TENM3: variants seen among roughly 807,000 people sequenced by gnomAD.
TENM3 encodes the protein teneurin transmembrane protein 3.
In TENM3, 63 loss-of-function variants were observed where a neutral mutation model predicts 255.1. The ratio of observed to expected loss-of-function variants is 0.25; its 90% CI spans 0.20 to 0.30. The LOEUF (loss-of-function observed/expected upper bound fraction) is 0.30. Among genes scored for constraint, TENM3 ranks in the 10% least tolerant of loss-of-function variants. The probability of loss-of-function intolerance (pLI) is 1.00; values close to 1 mark genes in which losing one functional copy is unlikely to be tolerated. For missense variants in TENM3, 2,929 were observed against 3,461.1 expected, an observed-to-expected ratio of 0.85 and a Z score of 3.86; for synonymous variants, 1,306 against 1,322.3, an observed-to-expected ratio of 0.99 and a Z score of 0.27.
At chr4:181,754,940 A>G in the TENM3 span, among the ~76,000 whole-genome samples, 2 of 152,182 alleles carry the variant, frequency 1.3e-5, no homozygotes, top group Admixed American at 6.6e-5. Flanking sequence ...TTCCAAAGAC[A>G]TTATCAAGGT....
chr4:182,279,169 C>A (rs1364466227), intron 1 of TENM3, among the ~76,000 whole-genome samples: 1 of 152,128 alleles, frequency 6.6e-6, no homozygotes, highest in Non-Finnish European at 1.5e-5. Flanking sequence ...TCCGCAGTGT[C>A]TTTATTTGCT....
At chr4:181,732,443 T>A in the TENM3 span, among the ~76,000 whole-genome samples, 22 of 152,204 alleles carry the variant, frequency 1.4e-4, no homozygotes, top group Non-Finnish European at 2.9e-4. Flanking sequence ...TTTTTAAAAA[T>A]TCCAAACAAA....
the TENM3 span, among the ~76,000 whole-genome samples, chr4:182,100,437 G>A: frequency 3.9e-4 from 9 of 23,014 alleles, no homozygotes; most frequent in South Asian, 5.8e-3. Flanking sequence ...CTCCGTCTCC[G>A]TAAAAAAAAA....
intron 3 of TENM3, among the ~76,000 whole-genome samples, chr4:182,373,532 C>T (rs1269898605): frequency 6.6e-6 from 1 of 152,138 alleles, no homozygotes; most frequent in Non-Finnish European, 1.5e-5. Flanking sequence ...AGGTACTGGG[C>T]TCTTTTTGAC....
chr4:182,411,322 A>G (rs975826748), intron 3 of TENM3, among the ~76,000 whole-genome samples: 4 of 152,196 alleles, frequency 2.6e-5, no homozygotes, highest in African/African-American at 9.7e-5. Flanking sequence ...TTTGACTACA[A>G]GTGTTTACTT....
chr4:182,168,454 C>G (rs1751868019), intron 1 of TENM3, among the ~76,000 whole-genome samples: 1 of 152,110 alleles, frequency 6.6e-6, no homozygotes, highest in Non-Finnish European at 1.5e-5. Flanking sequence ...ATTTTCTTCT[C>G]TCTGGGAAAC....
intron 3 of TENM3, among the ~76,000 whole-genome samples, chr4:182,526,201 C>T (rs1463975633): frequency 2.6e-5 from 4 of 151,724 alleles, no homozygotes; most frequent in Non-Finnish European, 5.9e-5. Context: ...AGGATGGGCT[C>T]GATCTCCTGA....
chr4:182,455,618 G>A (rs1773814810), intron 3 of TENM3, among the ~76,000 whole-genome samples: 1 of 144,210 alleles, frequency 6.9e-6, no homozygotes, highest in Admixed American at 7.1e-5. Flanking sequence ...CTGGAGTGCA[G>A]TGGCATGATC....
intron 13 of TENM3, among the ~76,000 whole-genome samples, chr4:182,723,821 C>T (rs2309702): frequency 1.3e-5 from 2 of 151,786 alleles, no homozygotes; most frequent in Admixed American, 6.6e-5. Context: ...CACATTCATG[C>T]CCATTCATTG....
the TENM3 span, among the ~76,000 whole-genome samples, chr4:181,536,961 T>G: frequency 6.6e-6 from 1 of 152,300 alleles, no homozygotes; most frequent in Non-Finnish European, 1.5e-5. Flanking sequence ...TAATCAGAGC[T>G]TCATCAGCTT....
intron 3 of TENM3, among the ~76,000 whole-genome samples, chr4:182,533,286 C>T (rs1032282692): frequency 6.6e-6 from 1 of 152,096 alleles, no homozygotes; most frequent in Non-Finnish European, 1.5e-5. Context: ...CACGGTGGCT[C>T]ATGCCTGTAG....
chr4:181,624,593 C>G, the TENM3 span, among the ~76,000 whole-genome samples: 1 of 152,166 alleles, frequency 6.6e-6, no homozygotes, highest in Admixed American at 6.5e-5. Context: ...GCAAAGAACA[C>G]CACATAAAGT....
chr4:182,244,372 A>T (rs1757512460), intron 1 of TENM3, among the ~76,000 whole-genome samples: 1 of 152,114 alleles, frequency 6.6e-6, no homozygotes, highest in Non-Finnish European at 1.5e-5. Flanking sequence ...CTGAAATTTT[A>T]TTATCTTGAC....
rs539828817 is a variant in TENM3 at position 182,754,727 on chromosome 4, G to A, written c.4360G>A (p.Ala1454Thr). ...TTCAGAGTGTGACTGCAAAAATGAT[G>A]CCAACTGTGACTGTTACCAGAGTGG... ...IPSECDCKND[A>T]NCDCYQSGDG... The change falls in exon 22 of 28, where the codon GCC becomes ACC. Residue 1454 changes from alanine (A) to threonine (T), a missense_variant. Ala to Thr is a moderately conservative substitution (Grantham distance 58). Coordinates refer to ENST00000511685, the MANE Select transcript of TENM3 (RefSeq NM_001080477.4). The surrounding 1 kb of genome is among the most constrained non-coding windows in gnomAD (Gnocchi z 5.1). The A allele has an allele frequency of 5.0e-6, 8 of 1,614,058 alleles. No homozygotes were observed. In the Admixed American group the frequency reaches 1.3e-4, roughly 27 times the overall value.
At chr4:181,888,785 A>G in the TENM3 span, among the ~76,000 whole-genome samples, 4 of 151,340 alleles carry the variant, frequency 2.6e-5, no homozygotes, top group African/African-American at 9.7e-5. Flanking sequence ...AGTGTAAGCC[A>G]CAGTTCTAGT....
the TENM3 span, among the ~76,000 whole-genome samples, chr4:181,623,963 A>G: frequency 6.6e-6 from 1 of 152,224 alleles, no homozygotes; most frequent in South Asian, 2.1e-4. Context: ...TCTTCTTCTC[A>G]ACAAAGGCCT....
chr4:181,826,221 C>T, the TENM3 span, among the ~76,000 whole-genome samples: 1 of 151,772 alleles, frequency 6.6e-6, no homozygotes, highest in South Asian at 2.1e-4. Flanking sequence ...CTAAGTTAAC[C>T]TTGAAATGAA....
chr4:182,706,009 TTCATTC>T (rs2152654734), intron 12 of TENM3, among the ~76,000 whole-genome samples: 1 of 152,354 alleles, frequency 6.6e-6, no homozygotes, highest in African/African-American at 2.4e-5. Flanking sequence ...ACATTTTAAA[TTCATTC>T]GGGTTTTAAG....
In TENM3 at chr4:182,793,688, A is replaced by T. The variant is rs765226860; in HGVS notation, c.7016A>T (p.His2339Leu). 8 of 1,613,886 alleles carry T rather than the reference A, an allele frequency of 5.0e-6. No individual in the cohort carries two copies. The East Asian group carries it at 6.7e-5, about 13-fold the overall frequency. Residue 2339 changes from histidine to leucine, a missense_variant, in exon 26 of 28, where the codon CAT (histidine) becomes CTT (leucine). His to Leu is a moderately conservative substitution (Grantham distance 99). Coordinates refer to ENST00000511685, the MANE Select transcript of TENM3 (RefSeq NM_001080477.4). This position sits in a 1 kb window ranked among gnomAD's most constrained non-coding sequence, Gnocchi z 5.7. Reference sequence around the variant, plus strand: ...GACTTTCAACTGGTAATTGGATTTCATGGTGGCCTGTATGACCCACTCACC... The same window carrying T: ...GACTTTCAACTGGTAATTGGATTTCTTGGTGGCCTGTATGACCCACTCACC... The part of the protein sequence containing the change: ...NIDFQLVIGF[H>L]GGLYDPLTKL...
Sources: gnomAD v4.1 joint callset for allele counts (sites outside exome capture counted in the v4.1 genomes callset) on GRCh38, gnomAD v4.1.1 for gene constraint, Gnocchi (gnomAD v3.1) non-coding constraint, MANE v1.5 for transcripts, NCBI Gene and HGNC (gene_info 2026-07-23, HGNC 2026-07-21) for gene names.